Variants in STXBP5L observed in about 807,000 individuals in gnomAD.
STXBP5L encodes syntaxin-binding protein 5-like.
In STXBP5L, 65 loss-of-function variants were observed where a neutral mutation model predicts 144.5. That is an observed-to-expected ratio of 0.45 (90% CI 0.37 to 0.55). STXBP5L has a LOEUF of 0.55. Among genes scored for constraint, STXBP5L ranks in the 20% least tolerant of loss-of-function variants. The probability of loss-of-function intolerance (pLI) is 0.00; values close to 1 mark genes in which losing one functional copy is unlikely to be tolerated. For missense variants in STXBP5L, 1,298 were observed against 1,405.5 expected (o/e 0.92, Z 1.22); for synonymous variants, 505 against 469.6 (o/e 1.08, Z -0.97).
chr3:121,026,744 A>T (rs1945973396), intron 3 of STXBP5L, among the ~76,000 whole-genome samples: 1 of 152,100 alleles, frequency 6.6e-6, no homozygotes, highest in African/African-American at 2.4e-5. Flanking sequence ...AAAGAGGAAG[A>T]AAAAGTAAAA....
chr3:121,063,749 G>T (rs1024715641), intron 5 of STXBP5L, among the ~76,000 whole-genome samples: 1 of 152,162 alleles, frequency 6.6e-6, no homozygotes, highest in Non-Finnish European at 1.5e-5. Flanking sequence ...GCTGTGGTGG[G>T]CTCCATCCAG....
At chr3:121,084,654 G>C (rs529353136) in intron 5 of STXBP5L, among the ~76,000 whole-genome samples, 32 of 152,264 alleles carry the variant, frequency 2.1e-4, no homozygotes, top group African/African-American at 7.2e-4. Context: ...TATGAATAGT[G>C]CTGCAATAAA....
chr3:121,101,813 T>C (rs2043441371), intron 5 of STXBP5L, among the ~76,000 whole-genome samples: 1 of 152,100 alleles, frequency 6.6e-6, no homozygotes. Context: ...GCTGATGATA[T>C]AATTCTATAC....
At chr3:120,982,488 T>C (rs192384422) in intron 3 of STXBP5L, among the ~76,000 whole-genome samples, 4 of 152,202 alleles carry the variant, frequency 2.6e-5, no homozygotes, top group Non-Finnish European at 5.9e-5. Context: ...TCCATTTCCC[T>C]GTTATACCCC....
intron 3 of STXBP5L, among the ~76,000 whole-genome samples, chr3:121,019,574 G>A (rs916383895): frequency 6.6e-6 from 1 of 152,172 alleles, no homozygotes; most frequent in Admixed American, 6.6e-5. Context: ...TTAGAGACCT[G>A]ATAATGGATC....
intron 20 of STXBP5L, among the ~76,000 whole-genome samples, chr3:121,346,458 T>A (rs1190143159): frequency 6.6e-6 from 1 of 152,250 alleles, no homozygotes; most frequent in Non-Finnish European, 1.5e-5. Context: ...ATCCTTTGGG[T>A]ATATACCCAG....
intron 19 of STXBP5L, among the ~76,000 whole-genome samples, chr3:121,300,203 T>C (rs1365089215): frequency 6.6e-6 from 1 of 151,814 alleles, no homozygotes; most frequent in African/African-American, 2.4e-5. Context: ...CAACTGTCAA[T>C]CCAGAATTCT....
chr3:121,004,277 G>A (rs1432747930), intron 3 of STXBP5L, among the ~76,000 whole-genome samples: 2 of 151,442 alleles, frequency 1.3e-5, no homozygotes, highest in Non-Finnish European at 3.0e-5. Flanking sequence ...TCCCTTGTAA[G>A]TTGGATTCCT....
chr3:121,322,337 G>T (rs1036451616), intron 20 of STXBP5L, among the ~76,000 whole-genome samples: 2 of 152,106 alleles, frequency 1.3e-5, no homozygotes, highest in Admixed American at 6.6e-5. Context: ...AATTAGCCAG[G>T]TGTGGTGGTG....
At chr3:121,362,080 G>T (rs1456993785) in intron 20 of STXBP5L, among the ~76,000 whole-genome samples, 1 of 152,212 alleles carries the variant, frequency 6.6e-6, no homozygotes, top group African/African-American at 2.4e-5. Flanking sequence ...AAATCTGGGA[G>T]AATTATCTGG....
intron 5 of STXBP5L, among the ~76,000 whole-genome samples, chr3:121,103,760 A>G (rs996341208): frequency 6.6e-6 from 1 of 152,162 alleles, no homozygotes; most frequent in Admixed American, 6.6e-5. Context: ...ATTACAAATG[A>G]CTTCTGTTGG....
At position 121,397,792 on chromosome 3, in the gene STXBP5L, G is replaced by C. The variant is rs756996922; in HGVS notation, c.2588-9451G>C. Among the ~76,000 whole-genome samples, 50 of 152,302 alleles carry C rather than the reference G, an allele frequency of 3.3e-4. 1 individual carries two copies. The highest frequency in any genetic ancestry group is 6.6e-4 in the Non-Finnish European group (45 of 68,034). On this transcript the variant is annotated intron_variant, in intron 22 of 26. Transcript: ENST00000471454. ...ATTATAATTGGTTGAATAGTCCCAG[G>C]TTGTCCATCGGGCCCTTCACAATGC...
rs1560099254 is a variant in STXBP5L, at chr3:121,078,175, GA to G, written c.470+32641del. Among the ~76,000 whole-genome samples the G allele has an allele frequency of 3.2e-4, 48 of 152,228 alleles. No homozygotes were observed. In the South Asian group the frequency reaches 9.7e-3, roughly 31 times the overall value. ...TGGTGCATTCACAAACCCTGAACTAGACACAGGGTGCAGATTGGTGTGTTTA... is the reference window on the plus strand; with the variant it reads ...TGGTGCATTCACAAACCCTGAACTAGCACAGGGTGCAGATTGGTGTGTTTA... On this transcript the variant is annotated intron_variant, in intron 5 of 26. Transcript: ENST00000471454.
At chr3:121,303,653 A>G (rs1490358491) in intron 19 of STXBP5L, among the ~76,000 whole-genome samples, 4 of 152,242 alleles carry the variant, frequency 2.6e-5, no homozygotes, top group African/African-American at 4.8e-5. Context: ...AATAGACTGG[A>G]TTAAGAAAAT....
At chr3:121,151,114 G>T (rs545959834) in intron 7 of STXBP5L, among the ~76,000 whole-genome samples, 9 of 151,514 alleles carry the variant, frequency 5.9e-5, no homozygotes, top group African/African-American at 1.7e-4. Flanking sequence ...AGAAAGAAAA[G>T]AAATTGGTTT....
At chr3:120,939,515 C>G (rs1337386447) in intron 2 of STXBP5L, among the ~76,000 whole-genome samples, 4 of 152,042 alleles carry the variant, frequency 2.6e-5, no homozygotes, top group Admixed American at 1.3e-4. Flanking sequence ...AAAGAGGTAA[C>G]CCACAGATAC....
At chr3:121,191,344 C>T (rs951359640) in intron 9 of STXBP5L, among the ~76,000 whole-genome samples, 2 of 152,184 alleles carry the variant, frequency 1.3e-5, no homozygotes, top group South Asian at 4.1e-4. Context: ...TGGAGACCAG[C>T]CCGGCCAACA....
At chr3:120,926,539 A>C (rs991417932) in intron 2 of STXBP5L, among the ~76,000 whole-genome samples, 1 of 151,700 alleles carries the variant, frequency 6.6e-6, no homozygotes, top group Non-Finnish European at 1.5e-5. Flanking sequence ...ATTTGAGTTG[A>C]ATCTGTTTGG....
Position 121,217,850 on chromosome 3 carries a change from T to C in STXBP5L, c.957-5153T>C, listed in dbSNP as rs987091371. Among the ~76,000 whole-genome samples the C allele has an allele frequency of 2.6e-5, 4 of 151,748 alleles. No individual in the cohort carries two copies. In the Admixed American group the frequency reaches 2.6e-4, roughly 10 times the overall value. On this transcript the variant is annotated intron_variant, in intron 10 of 26. Coordinates refer to ENST00000471454, the MANE Select transcript of STXBP5L (RefSeq NM_001308330.2). ...TGAGAGGTTCTTCCATGACAATGTA[T>C]ACATGCCTGGACTTTATGACGTCTA...
Sources: gnomAD v4.1 joint callset for allele counts (sites outside exome capture counted in the v4.1 genomes callset) on GRCh38, gnomAD v4.1.1 for gene constraint, MANE v1.5 for transcripts, NCBI Gene and HGNC (gene_info 2026-07-23, HGNC 2026-07-21) for gene names.